The following CTNNA2 variants were observed in gnomAD, a reference collection of about 807,000 sequenced individuals.
The protein encoded by CTNNA2 is catenin alpha-2.
A neutral mutation model predicts 101.0 loss-of-function variants in CTNNA2; 42 were observed. The observed-to-expected ratio is 0.42, with a 90% confidence interval of 0.32 to 0.54. CTNNA2 has a LOEUF of 0.54. CTNNA2 is among the 20% of genes least tolerant of loss of function. CTNNA2 has a pLI of 0.14. For synonymous variants in CTNNA2, 450 were observed against 456.4 expected, an observed-to-expected ratio of 0.99 and a Z score of 0.18; for missense variants, 871 against 1,223.1, an observed-to-expected ratio of 0.71 and a Z score of 4.29.
chr2:80,344,881 G>A (rs1411767818), intron 7 of CTNNA2, among the ~76,000 whole-genome samples: 4 of 151,974 alleles, frequency 2.6e-5, no homozygotes, highest in African/African-American at 9.7e-5. Context: ...CAAAAGCCTT[G>A]GGGTCCCTTC....
At chr2:80,342,861 G>A (rs1490865274) in intron 7 of CTNNA2, among the ~76,000 whole-genome samples, 3 of 152,180 alleles carry the variant, frequency 2.0e-5, no homozygotes, top group Admixed American at 6.5e-5. Context: ...AGTTCGGGAG[G>A]ACAGAGGTCC....
At chr2:79,821,263 T>C (rs1677978922) in intron 3 of CTNNA2, among the ~76,000 whole-genome samples, 1 of 152,114 alleles carries the variant, frequency 6.6e-6, no homozygotes, top group African/African-American at 2.4e-5. Context: ...AGCTGGAGTG[T>C]AGTGGTGTGA....
intron 3 of CTNNA2, among the ~76,000 whole-genome samples, chr2:79,841,733 A>G (rs923043545): frequency 2.6e-5 from 4 of 152,234 alleles, no homozygotes; most frequent in African/African-American, 7.2e-5. Context: ...TAATGAAGAA[A>G]CATTAACTGG....
chr2:79,880,719 T>C (rs984294120), intron 6 of CTNNA2, among the ~76,000 whole-genome samples: 4 of 151,598 alleles, frequency 2.6e-5, no homozygotes, highest in African/African-American at 4.8e-5. Flanking sequence ...TTCTTCTTTA[T>C]TGGTCTAGTT....
At chr2:79,973,082 G>A (rs796933955) in intron 7 of CTNNA2, among the ~76,000 whole-genome samples, 39 of 150,712 alleles carry the variant, frequency 2.6e-4, no homozygotes, top group African/African-American at 8.8e-4. Context: ...AAAACAATCC[G>A]TTTTTTTTTA....
intron 3 of CTNNA2, among the ~76,000 whole-genome samples, chr2:79,833,897 A>G (rs1226726532): frequency 6.6e-6 from 1 of 152,106 alleles, no homozygotes; most frequent in Admixed American, 6.6e-5. Context: ...TACCATTTGC[A>G]CTTTTTCTAA....
intron 2 of CTNNA2, among the ~76,000 whole-genome samples, chr2:79,253,471 A>G (rs1353635215): frequency 1.3e-5 from 2 of 152,204 alleles, no homozygotes; most frequent in Non-Finnish European, 2.9e-5. Flanking sequence ...ATCAGCCTGC[A>G]TCTATCTTCC....
intron 2 of CTNNA2, among the ~76,000 whole-genome samples, chr2:79,262,912 T>G (rs1573004594): frequency 2.0e-5 from 3 of 152,062 alleles, no homozygotes. Flanking sequence ...CTACCACCAT[T>G]CTAGGTGCTA....
chr2:79,706,377 A>T (rs1421668541), intron 2 of CTNNA2, among the ~76,000 whole-genome samples: 1 of 151,634 alleles, frequency 6.6e-6, no homozygotes, highest in East Asian at 1.9e-4. Context: ...AAAAAAAAAA[A>T]AAAAAAAAAA....
intron 4 of CTNNA2, among the ~76,000 whole-genome samples, chr2:79,409,794 G>A (rs1366510188): frequency 6.4e-5 from 9 of 141,554 alleles, no homozygotes; most frequent in Non-Finnish European, 1.1e-4. Flanking sequence ...CTCTTTTTTG[G>A]TTCCATATGA....
chr2:80,573,835 A>G (rs536413368), intron 12 of CTNNA2, among the ~76,000 whole-genome samples: 1 of 152,230 alleles, frequency 6.6e-6, no homozygotes, highest in East Asian at 1.9e-4. Context: ...AGCAGCAACC[A>G]GCAGAAATGC....
intron 7 of CTNNA2, among the ~76,000 whole-genome samples, chr2:80,223,997 C>T (rs571440603): frequency 6.6e-6 from 1 of 152,264 alleles, no homozygotes; most frequent in South Asian, 2.1e-4. Flanking sequence ...CCTAGTGTGC[C>T]ATTGGCACTC....
chr2:80,058,015 C>T (rs990577597), intron 7 of CTNNA2, among the ~76,000 whole-genome samples: 1 of 152,174 alleles, frequency 6.6e-6, no homozygotes, highest in Non-Finnish European at 1.5e-5. Flanking sequence ...CCTAGAGAGA[C>T]ATTTATTCAC....
At position 80,647,955 on chromosome 2, in the gene CTNNA2, G is replaced by T; in HGVS notation, c.*83G>T. The T allele has an allele frequency of 7.4e-7, 1 of 1,342,318 alleles. No individual in the cohort carries two copies. The highest frequency in any genetic ancestry group is 1.0e-6 in the Non-Finnish European group (1 of 987,494). The allele number at this position is 1,342,318 out of a possible 1,614,324, so 83.2% of individuals were successfully genotyped here. A position where few individuals can be genotyped will look rare whatever the true frequency, so the allele number is the denominator to read the frequency against. ...TAATTCCATTTTTGTATGCATACCT[G>T]CCAGCTCGTATGCCTCTGGCATGGG... On this transcript the variant is annotated 3_prime_UTR_variant, in exon 19 of 19. Coordinates refer to ENST00000402739, the MANE Select transcript of CTNNA2 (RefSeq NM_001282597.3).
Position 79,909,806 on chromosome 2 carries a change from T to C in CTNNA2, c.1056+9T>C. 6.3e-7 allele frequency: 1 copy of C among 1,590,566 alleles called. No individual in the cohort carries two copies. The highest frequency in any genetic ancestry group is 8.6e-7 in the Non-Finnish European group (1 of 1,164,150). ...GCGAGTACATGAATAATGTAAGTCT[T>C]GGGATCTCCATTCTCATGTCTTGGT... On this transcript the variant is annotated intron_variant, in intron 7 of 18. Transcript: ENST00000402739.
At chr2:80,081,090 A>T (rs532015799) in intron 7 of CTNNA2, among the ~76,000 whole-genome samples, 1 of 150,520 alleles carries the variant, frequency 6.6e-6, no homozygotes, top group East Asian at 1.9e-4. Flanking sequence ...TTAATATTTT[A>T]AATGTTGGTT....
At chr2:80,517,656 G>T (rs972318115) in intron 9 of CTNNA2, among the ~76,000 whole-genome samples, 2 of 152,228 alleles carry the variant, frequency 1.3e-5, no homozygotes, top group Admixed American at 6.5e-5. Flanking sequence ...TGAGGAACTT[G>T]TAGAGAGAAT....
chr2:79,835,275 C>T (rs980067753), intron 3 of CTNNA2, among the ~76,000 whole-genome samples: 1 of 152,078 alleles, frequency 6.6e-6, no homozygotes, highest in Admixed American at 6.6e-5. Context: ...CTTTTGTATA[C>T]TGAGTCCATA....
intron 7 of CTNNA2, among the ~76,000 whole-genome samples, chr2:80,081,607 A>G (rs1397799336): frequency 6.6e-6 from 1 of 152,084 alleles, no homozygotes; most frequent in African/African-American, 2.4e-5. Context: ...TTGCTTTAAA[A>G]AATTGATTTG....
Sources: allele counts gnomAD v4.1 joint callset (sites outside exome capture counted in the v4.1 genomes callset), GRCh38; gene constraint gnomAD v4.1.1; transcripts MANE v1.5; gene names NCBI Gene and HGNC (gene_info 2026-07-23, HGNC 2026-07-21).